The following CYTH3 variants were observed in gnomAD, a reference collection of about 807,000 sequenced individuals.
CYTH3 encodes cytohesin 3.
CYTH3 carries 23 observed loss-of-function variants against 55.1 expected under a neutral mutation model. The ratio of observed to expected loss-of-function variants is 0.42; its 90% confidence interval spans 0.30 to 0.59. The LOEUF is 0.59. Ranked by LOEUF, CYTH3 falls within the 20% of genes least tolerant of loss-of-function variation. The pLI is 0.20. For synonymous variants in CYTH3, 249 were observed against 194.9 expected (o/e 1.28, Z -2.31); for missense variants, 413 against 524.8 (o/e 0.79, Z 2.08).
chr7:6,246,541 T>C (rs1428358589), intron 1 of CYTH3, among the ~76,000 whole-genome samples: 1 of 152,196 alleles, frequency 6.6e-6, no homozygotes, highest in Non-Finnish European at 1.5e-5. Context: ...CATCCTACTT[T>C]GAATTTTCTA....
At chr7:6,204,048 A>C (rs952834687) in intron 1 of CYTH3, among the ~76,000 whole-genome samples, 4 of 151,060 alleles carry the variant, frequency 2.6e-5, no homozygotes, top group African/African-American at 9.8e-5. Flanking sequence ...TGTTCACAAT[A>C]GAAAAAAAAA....
chr7:6,177,837 G>C lies in CYTH3; in HGVS notation c.354C>G (p.Asp118Glu), dbSNP rs375065839. ...CTCTAACTCACCTTTCACCCAGGTA[G>C]TCCCCAATGACGGTCTTATTTAGGC... ...GEGLNKTVIG[D>E]YLGERDEFNI... The change falls in exon 5 of 13, where the codon GAC becomes GAG. Residue 118 changes from aspartate (D) to glutamate (E), a missense_variant. Physicochemically the swap from Asp to Glu is conservative, Grantham distance 45. This residue lies in a region of CYTH3 where 152 missense variants were observed against 148.1 expected (regional missense o/e 1.03). Transcript: ENST00000350796. The C allele has an allele frequency of 8.7e-6, 14 of 1,613,704 alleles. No individual in the cohort carries two copies. Among genetic ancestry groups the C allele is most frequent in the Non-Finnish European group, 1.2e-5 (14 of 1,179,696 alleles).
chr7:6,255,209 A>C (rs1345163409), intron 1 of CYTH3, among the ~76,000 whole-genome samples: 1 of 152,266 alleles, frequency 6.6e-6, no homozygotes, highest in Non-Finnish European at 1.5e-5. Context: ...GCAGATATTT[A>C]CTTAAAAATA....
intron 1 of CYTH3, among the ~76,000 whole-genome samples, chr7:6,245,742 T>G (rs925402944): frequency 2.6e-5 from 4 of 152,138 alleles, no homozygotes; most frequent in Non-Finnish European, 2.9e-5. Flanking sequence ...CCGTCTCTAC[T>G]AAAAGTACAA....
At chr7:6,189,811 C>T (rs1310379350) in intron 2 of CYTH3, among the ~76,000 whole-genome samples, 1 of 151,880 alleles carries the variant, frequency 6.6e-6, no homozygotes, top group African/African-American at 2.4e-5. Flanking sequence ...CTGAGGTGAG[C>T]GGATCACGAG....
chr7:6,259,758 T>TTATATATATATATAATATATATA (rs1780243880), intron 1 of CYTH3, among the ~76,000 whole-genome samples: 1 of 27,322 alleles, frequency 3.7e-5, no homozygotes, highest in African/African-American at 3.2e-4. Flanking sequence ...ATATATATAT[T>TTATATATATATATAATATATATA]ATATATATAT....
chr7:6,227,442 C>A (rs1779285647), intron 1 of CYTH3, among the ~76,000 whole-genome samples: 1 of 151,998 alleles, frequency 6.6e-6, no homozygotes, highest in Non-Finnish European at 1.5e-5. Context: ...TAAAATTCAA[C>A]AGCCCTTCCT....
chr7:6,176,598 T>C (rs1012891863), intron 5 of CYTH3, among the ~76,000 whole-genome samples: 4 of 152,214 alleles, frequency 2.6e-5, no homozygotes, highest in African/African-American at 9.6e-5. Context: ...TCATGCAACC[T>C]TACTGAATGT....
chr7:6,222,513 A>G (rs1306184018), intron 1 of CYTH3, among the ~76,000 whole-genome samples: 1 of 152,178 alleles, frequency 6.6e-6, no homozygotes, highest in Non-Finnish European at 1.5e-5. Context: ...CGGGGAGGCC[A>G]AGATGGGTGG....
In CYTH3 at chr7:6,171,842, C is replaced by CA. The variant is rs944898867; in HGVS notation, c.450-529dup. 6.4e-6 allele frequency: 1 copy of CA among 156,590 alleles called. No individual in the cohort carries two copies. The highest frequency in any genetic ancestry group is 1.4e-5 in the Non-Finnish European group (1 of 70,540). The allele number at this position is 156,590 out of a possible 1,614,324, so 9.7% of individuals were successfully genotyped here. A position where few individuals can be genotyped will look rare whatever the true frequency, so the allele number is the denominator to read the frequency against. ...AGAGACCAGGCCCAGCAGACACTCC[C>CA]ACCCTCAGGCATCCCCTCTGGCTGA... On this transcript the variant is annotated intron_variant, in intron 6 of 12. Transcript: ENST00000350796. The surrounding 1 kb of genome is among the most constrained non-coding windows in gnomAD (Gnocchi z 6.7).
chr7:6,229,423 T>C (rs547878149), intron 1 of CYTH3, among the ~76,000 whole-genome samples: 2 of 152,180 alleles, frequency 1.3e-5, no homozygotes, highest in South Asian at 4.1e-4. Flanking sequence ...CAAGCAACAG[T>C]GGTCCACCGC....
chr7:6,213,807 C>T (rs1309824982), intron 1 of CYTH3, among the ~76,000 whole-genome samples: 3 of 151,972 alleles, frequency 2.0e-5, no homozygotes, highest in Non-Finnish European at 2.9e-5. Context: ...AAGGCAGGAA[C>T]CCATCACAGG....
intron 5 of CYTH3, among the ~76,000 whole-genome samples, chr7:6,175,622 ACTGCAGCCTCTGCCTC>A (rs960738484): frequency 8.7e-5 from 13 of 150,162 alleles, no homozygotes; most frequent in Non-Finnish European, 1.5e-4. Flanking sequence ...ATTTTGACAA[ACTGCAGCCTCTGCCTC>A]CTGGGTTCAA....
At chr7:6,263,988 T>G (rs1780420911) in intron 1 of CYTH3, among the ~76,000 whole-genome samples, 1 of 152,074 alleles carries the variant, frequency 6.6e-6, no homozygotes, top group African/African-American at 2.4e-5. Flanking sequence ...TGCTCACACC[T>G]GTAATCCCAG....
chr7:6,169,308 C>T lies in CYTH3; in HGVS notation c.823+1227G>A, dbSNP rs1783103556. 6.6e-6 allele frequency among the ~76,000 whole-genome samples: 1 copy of T among 152,188 alleles called. No individual in the cohort carries two copies. Among genetic ancestry groups the T allele is most frequent in the African/African-American group, 2.4e-5 (1 of 41,438 alleles). On this transcript the variant is annotated intron_variant, in intron 9 of 12. Coordinates refer to ENST00000350796, the MANE Select transcript of CYTH3 (RefSeq NM_004227.4). This position sits in a 1 kb window ranked among gnomAD's most constrained non-coding sequence, Gnocchi z 4.1. ...CAGTCATGGTTCATTGGAGCCTCAA[C>T]CTCCTGGGCTCAGGCCATCCTCCTG...
intron 1 of CYTH3, among the ~76,000 whole-genome samples, chr7:6,204,536 C>T (rs899323826): frequency 3.3e-5 from 5 of 152,168 alleles, no homozygotes; most frequent in East Asian, 3.9e-4. Flanking sequence ...ATCTAGTGTT[C>T]GTTCTCTAGA....
chr7:6,191,176 G>A (rs144881740), intron 1 of CYTH3, among the ~76,000 whole-genome samples: 4 of 152,178 alleles, frequency 2.6e-5, no homozygotes, highest in African/African-American at 7.2e-5. Context: ...ATTCAGGCAC[G>A]GTGGCTCACG....
At chr7:6,192,059 C>CTT (rs1472814054) in intron 1 of CYTH3, among the ~76,000 whole-genome samples, 1 of 152,028 alleles carries the variant, frequency 6.6e-6, no homozygotes, top group Non-Finnish European at 1.5e-5. Flanking sequence ...GACTGTGCCA[C>CTT]TGCACTCCAG....
intron 9 of CYTH3, among the ~76,000 whole-genome samples, chr7:6,166,038 C>T (rs953197428): frequency 2.0e-5 from 3 of 152,214 alleles, no homozygotes; most frequent in Admixed American, 6.5e-5. Flanking sequence ...ATGACACAAC[C>T]GCGCTACAAT....
Sources: allele counts gnomAD v4.1 joint callset (sites outside exome capture counted in the v4.1 genomes callset), GRCh38; gene constraint gnomAD v4.1.1; regional missense constraint gnomAD v4.1.1; non-coding constraint Gnocchi (gnomAD v3.1); transcripts MANE v1.5; gene names NCBI Gene and HGNC (gene_info 2026-07-23, HGNC 2026-07-21).